SETD3: variants seen among roughly 807,000 people sequenced by gnomAD.
SETD3 encodes the protein actin-histidine N-methyltransferase.
Under a neutral mutation model 63.0 loss-of-function variants are expected in SETD3, and 19 were observed. The observed-to-expected ratio is 0.30, with a 90% CI of 0.21 to 0.44. SETD3 has a LOEUF of 0.44. Ranked by LOEUF, SETD3 falls within the 20% of genes least tolerant of loss-of-function variation. The pLI is 1.00. For synonymous variants in SETD3, 286 were observed against 264.1 expected (o/e 1.08, Z -0.80); for missense variants, 587 against 728.5 (o/e 0.81, Z 2.24).
intron 12 of SETD3, among the ~76,000 whole-genome samples, chr14:99,399,623 ATCT>A (rs1891272134): frequency 6.6e-6 from 1 of 152,344 alleles, no homozygotes; most frequent in South Asian, 2.1e-4. Context: ...TTAAAAATGT[ATCT>A]TCTAATAAAC....
chr14:99,409,132 TC>T (rs1269088887), intron 8 of SETD3, among the ~76,000 whole-genome samples: 1 of 152,102 alleles, frequency 6.6e-6, no homozygotes, highest in Non-Finnish European at 1.5e-5. Context: ...CACCTCCTCC[TC>T]GCCCAGCTCC....
intron 8 of SETD3, chr14:99,411,236 G>A (rs1459793176): frequency 6.6e-6 from 1 of 152,106 alleles, no homozygotes; most frequent in Non-Finnish European, 1.5e-5. Context: ...GACTGTGGTA[G>A]GTTAAAAAGT....
chr14:99,434,846 T>TAAAA lies in SETD3; in HGVS notation c.676-20913_676-20912insTTTT, dbSNP rs1566706239. On this transcript the variant is annotated intron_variant, in intron 6 of 12. Transcript: ENST00000331768. ...TGGGCAACAAGAGCAAAACTCTGCC[T>TAAAA]CAAAAAAAAAAAAAAAAAAAAAAAA... Among the ~76,000 whole-genome samples, 93 of 18,920 alleles carry TAAAA rather than the reference T, an allele frequency of 4.9e-3. 3 individuals are homozygous for TAAAA. The highest frequency in any genetic ancestry group is 0.025 in the African/African-American group (84 of 3,332). The allele number at this position is 18,920 out of a possible 152,430, so 12.4% of individuals were successfully genotyped here.
intron 6 of SETD3, among the ~76,000 whole-genome samples, chr14:99,440,205 A>T (rs1315941037): frequency 6.6e-6 from 1 of 152,240 alleles, no homozygotes; most frequent in Non-Finnish European, 1.5e-5. Flanking sequence ...ATAAAAATAA[A>T]CACAGTATCC....
chr14:99,476,528 C>G (rs1223283459), intron 1 of SETD3, among the ~76,000 whole-genome samples: 2 of 152,190 alleles, frequency 1.3e-5, no homozygotes, highest in Non-Finnish European at 2.9e-5. Context: ...GGGAAAAACG[C>G]AGAACCATGA....
intron 6 of SETD3, among the ~76,000 whole-genome samples, chr14:99,423,813 T>C (rs778818052): frequency 6.6e-6 from 1 of 152,094 alleles, no homozygotes; most frequent in Non-Finnish European, 1.5e-5. Context: ...TGGTTTCTCT[T>C]ATGAGAACGG....
At chr14:99,443,941 C>T (rs1237628921) in intron 6 of SETD3, among the ~76,000 whole-genome samples, 3 of 152,212 alleles carry the variant, frequency 2.0e-5, no homozygotes, top group African/African-American at 7.2e-5. Context: ...GAGTACACAG[C>T]TCCTGCATCA....
chr14:99,454,341 C>T (rs897796122), intron 6 of SETD3, among the ~76,000 whole-genome samples: 9 of 152,176 alleles, frequency 5.9e-5, no homozygotes, highest in Middle Eastern at 3.4e-3. Flanking sequence ...AGGTGTATGC[C>T]ACCACACCTG....
Position 99,398,476 on chromosome 14 carries a change from T to C in SETD3, c.*203A>G, listed in dbSNP as rs958309149. 16 of 578,208 alleles carry C rather than the reference T, an allele frequency of 2.8e-5. No homozygotes were observed. The highest frequency in any genetic ancestry group is 4.5e-4 in the Middle Eastern group (1 of 2,202). The allele number at this position is 578,208 out of a possible 1,614,324, so 35.8% of individuals were successfully genotyped here. A position where few individuals can be genotyped will look rare whatever the true frequency, so the allele number is the denominator to read the frequency against. ...TGGTTGTTTGTTAATTGGTTTGTTT[T>C]GCCTAAAAGCAAGATGGCAATCTTA... On this transcript the variant is annotated 3_prime_UTR_variant, in exon 13 of 13. Coordinates refer to ENST00000331768, the MANE Select transcript of SETD3 (RefSeq NM_032233.3).
intron 6 of SETD3, among the ~76,000 whole-genome samples, chr14:99,420,892 A>G (rs1333211969): frequency 8.3e-6 from 1 of 120,050 alleles, no homozygotes; most frequent in Non-Finnish European, 1.6e-5. Flanking sequence ...TCATCCAAGC[A>G]TGCTGCCCAA....
intron 6 of SETD3, among the ~76,000 whole-genome samples, chr14:99,416,564 CAG>C (rs1340020081): frequency 1.3e-5 from 2 of 152,174 alleles, no homozygotes; most frequent in Non-Finnish European, 2.9e-5. Context: ...TTCCAAGACA[CAG>C]ACACACATGG....
intron 5 of SETD3, among the ~76,000 whole-genome samples, chr14:99,458,774 C>CAAAAAAAAAA (rs5810953): frequency 5.6e-5 from 5 of 89,496 alleles, no homozygotes; most frequent in Non-Finnish European, 8.5e-5. Context: ...CCCATCACTA[C>CAAAAAAAAAA]AAAAAAAAAA....
rs931247672 is a variant in SETD3 at position 99,409,908 on chromosome 14, T to C, written c.849+3043A>G. ...ATGAATTCATTAAAAACCACAGCGATATAGCAATGAGCAAAACAGACCCTC... is the reference window on the plus strand; with the variant it reads ...ATGAATTCATTAAAAACCACAGCGACATAGCAATGAGCAAAACAGACCCTC... On this transcript the variant is annotated intron_variant, in intron 8 of 12. Coordinates refer to ENST00000331768, the MANE Select transcript of SETD3 (RefSeq NM_032233.3). 26 of 286,774 alleles carry C rather than the reference T, an allele frequency of 9.1e-5. No homozygotes were observed. The Admixed American group carries it at 9.7e-4, about 11-fold the overall frequency. The allele number at this position is 286,774 out of a possible 1,614,324, so 17.8% of individuals were successfully genotyped here.
intron 6 of SETD3, among the ~76,000 whole-genome samples, chr14:99,448,340 T>TGA (rs1473884992): frequency 6.6e-6 from 1 of 152,154 alleles, no homozygotes; most frequent in African/African-American, 2.4e-5. Context: ...AGAAGCGTCA[T>TGA]CTGCAGCTCT....
chr14:99,416,836 T>G (rs1192156907), intron 6 of SETD3, among the ~76,000 whole-genome samples: 1 of 152,194 alleles, frequency 6.6e-6, no homozygotes, highest in Non-Finnish European at 1.5e-5. Flanking sequence ...ACCATTGCCG[T>G]GGCTCATAAT....
At chr14:99,467,357 C>A (rs538186737) in intron 1 of SETD3, among the ~76,000 whole-genome samples, 9 of 152,144 alleles carry the variant, frequency 5.9e-5, no homozygotes, top group Non-Finnish European at 1.3e-4. Context: ...ACAGCTTAAG[C>A]ACCTTTTCCT....
chr14:99,399,429 T>C (rs926247985), intron 12 of SETD3, among the ~76,000 whole-genome samples: 6 of 137,968 alleles, frequency 4.3e-5, no homozygotes, highest in African/African-American at 1.0e-4. Flanking sequence ...AAAATCATCC[T>C]GTCTATCTTG....
intron 11 of SETD3, among the ~76,000 whole-genome samples, chr14:99,403,837 C>A (rs1891535111): frequency 2.6e-5 from 4 of 152,218 alleles, no homozygotes; most frequent in Admixed American, 2.6e-4. Context: ...CCACAGCTGA[C>A]TACACAACAT....
intron 6 of SETD3, among the ~76,000 whole-genome samples, chr14:99,419,359 T>C (rs115175189): frequency 0.019 from 2,955 of 152,346 alleles, 93 homozygotes; most frequent in African/African-American, 0.067. Context: ...CATTGTTCAA[T>C]AAATTTATAA....
Sources: allele counts gnomAD v4.1 joint callset (sites outside exome capture counted in the v4.1 genomes callset), GRCh38; gene constraint gnomAD v4.1.1; transcripts MANE v1.5; gene names NCBI Gene and HGNC (gene_info 2026-07-23, HGNC 2026-07-21).